Variants in NLE1 observed in about 807,000 individuals in gnomAD.
The protein encoded by NLE1 is notchless protein homolog 1.
A neutral mutation model predicts 62.8 loss-of-function variants in NLE1; 37 were observed. The observed-to-expected ratio is 0.59, with a 90% CI of 0.45 to 0.78. The LOEUF (loss-of-function observed/expected upper bound fraction) is 0.78. NLE1 is among the 30% of genes least tolerant of loss of function. The probability of loss-of-function intolerance (pLI) is 0.00; values close to 1 mark genes in which losing one functional copy is unlikely to be tolerated. For synonymous variants in NLE1, 243 were observed against 253.0 expected (o/e 0.96, Z 0.37); for missense variants, 555 against 637.9 (o/e 0.87, Z 1.40).
intron 9 of NLE1, 95 bp from the exon 10 acceptor site, chr17:35,135,546 A>G (rs2091903366): frequency 9.0e-7 from 1 of 1,106,094 alleles, no homozygotes; most frequent in East Asian, 2.5e-5. Context: ...TGATTACTCA[A>G]TGCCAGGGAC....
Position 35,129,180 on chromosome 17 carries a change from A to C in NLE1, c.*3257T>G. The C allele has an allele frequency of 4.2e-6, 2 of 473,716 alleles. No individual in the cohort carries two copies. The highest frequency in any genetic ancestry group is 7.7e-6 in the Non-Finnish European group (2 of 260,402). 29.3% of individuals were successfully genotyped at this position (473,716 alleles called of 1,614,324 possible). A position where few individuals can be genotyped will look rare whatever the true frequency, so the allele number is the denominator to read the frequency against. On this transcript the variant is annotated 3_prime_UTR_variant, in exon 13 of 13. Transcript: ENST00000442241. ...CCCAAGGGTTGAGGACCCCTGGCGT[A>C]TAAGAAATATGGAATGAGGGTGTAC...
rs117368217 is a variant in NLE1, at chr17:35,140,003, T to A, written c.226A>T (p.Thr76Ser). 1,838 of 1,614,070 alleles carry A rather than the reference T, an allele frequency of 1.1e-3. 2 individuals carry two copies. The highest frequency in any genetic ancestry group is 1.5e-3 in the Non-Finnish European group (1,724 of 1,180,012). ...DAEIVSSLGK[T>S]LESQAVETEK... ...GTCTCCACTGCCTGGGACTCCAACG[T>A]CTTCCCCAGTGAGGAGACGATCTCA... Residue 76 changes from threonine (T) to serine (S), a missense_variant, in exon 3 of 13, where the codon ACG (threonine) becomes TCG (serine). Transcript: ENST00000442241.
In NLE1 at chr17:35,130,182, C is replaced by T. The variant is rs2091867810; in HGVS notation, c.*2255G>A. The T allele has an allele frequency of 6.6e-7, 1 of 1,509,896 alleles. No homozygotes were observed. Among genetic ancestry groups the T allele is most frequent in the Non-Finnish European group, 8.8e-7 (1 of 1,132,402 alleles). 93.5% of individuals were successfully genotyped at this position (1,509,896 alleles called of 1,614,324 possible). A position where few individuals can be genotyped will look rare whatever the true frequency, so the allele number is the denominator to read the frequency against. On this transcript the variant is annotated 3_prime_UTR_variant, in exon 13 of 13. Coordinates refer to ENST00000442241, the MANE Select transcript of NLE1 (RefSeq NM_018096.5). ...TAGGTTGGATAAGGCTGTTTAAGGT[C>T]TGAGTCAGCAGACAGAAAAAAAAGG...
At chr17:35,132,552 C>G in intron 12 of NLE1, 103 bp from the exon 13 acceptor site, 1 of 1,053,120 alleles carries the variant, frequency 9.5e-7, no homozygotes, top group Non-Finnish European at 1.3e-6. Flanking sequence ...GGTCCACCCT[C>G]AGAGTCACCA....
Position 35,129,517 on chromosome 17 carries a change from G to C in NLE1, c.*2920C>G. On this transcript the variant is annotated 3_prime_UTR_variant, in exon 13 of 13. Coordinates refer to ENST00000442241, the MANE Select transcript of NLE1 (RefSeq NM_018096.5). ...AGACACAGGAGAATGAGTTGCCCGA[G>C]GCAAAGAATCGTCCATGGATCTTCA... 6.2e-7 allele frequency: 1 copy of C among 1,614,196 alleles called. No homozygotes were observed. The highest frequency in any genetic ancestry group is 8.5e-7 in the Non-Finnish European group (1 of 1,180,040).
rs1445839536 is a variant in NLE1 at position 35,130,025 on chromosome 17, G to T, written c.*2412C>A. On this transcript the variant is annotated 3_prime_UTR_variant, in exon 13 of 13. Coordinates refer to ENST00000442241, the MANE Select transcript of NLE1 (RefSeq NM_018096.5). ...CTAAAGGGGGACGAAGAAGGGAACAGCCTGGGTATGGGGTAGGGGTATGGG... is the reference window on the plus strand; with the variant it reads ...CTAAAGGGGGACGAAGAAGGGAACATCCTGGGTATGGGGTAGGGGTATGGG... 2.2e-6 allele frequency: 3 copies of T among 1,391,030 alleles called. No homozygotes were observed. Among genetic ancestry groups the T allele is most frequent in the African/African-American group, 1.4e-5 (1 of 69,028 alleles). 86.2% of individuals were successfully genotyped at this position (1,391,030 alleles called of 1,614,324 possible). A position where few individuals can be genotyped will look rare whatever the true frequency, so the allele number is the denominator to read the frequency against.
intron 9 of NLE1, 40 bp from the exon 10 acceptor site, chr17:35,135,491 C>T: frequency 6.3e-7 from 1 of 1,598,820 alleles, no homozygotes; most frequent in Non-Finnish European, 8.6e-7. Context: ...GGTGTGGTCT[C>T]AGAAAGAAGG....
intron 10 of NLE1, among the ~76,000 whole-genome samples, chr17:35,134,008 G>A (rs1310666667): frequency 2.6e-5 from 4 of 152,138 alleles, no homozygotes; most frequent in Non-Finnish European, 5.9e-5. Flanking sequence ...CGTCACTAAC[G>A]CAGAGGTCCC....
At chr17:35,139,030 C>T (rs1348230702) in intron 4 of NLE1, among the ~76,000 whole-genome samples, 1 of 151,968 alleles carries the variant, frequency 6.6e-6, no homozygotes, top group Non-Finnish European at 1.5e-5. Context: ...AAACAAAAAA[C>T]GAGCCAGGTG....
Position 35,133,516 on chromosome 17 carries a change from G to A in NLE1, c.1215-18C>T, listed in dbSNP as rs753930277. ...CCAGGTACCTGGTCCAGGAGAAGAC[G>A]ATGATGGATTTTAGTCTGAGTTACA... is the stretch of plus-strand genomic sequence containing the variant. On this transcript the variant is annotated intron_variant, in intron 10 of 12. Coordinates refer to ENST00000442241, the MANE Select transcript of NLE1 (RefSeq NM_018096.5). 9.4e-6 allele frequency: 15 copies of A among 1,598,464 alleles called. No individual in the cohort carries two copies. Among genetic ancestry groups the A allele is most frequent in the Middle Eastern group, 1.6e-4 (1 of 6,066 alleles).
At chr17:35,140,203 G>A in intron 2 of NLE1, 137 bp from the exon 3 acceptor site, 3 of 857,074 alleles carry the variant, frequency 3.5e-6, no homozygotes, top group Non-Finnish European at 5.4e-6. Context: ...CCCCATCATT[G>A]CCCATTGAGC....
At position 35,136,400 on chromosome 17, in the gene NLE1, G is replaced by A; in HGVS notation, c.926C>T (p.Ala309Val). Reference sequence around the variant, plus strand: ...GTCTTGGGGATTAACTGAGGCCTCAGCAGGTTCAAAGGCCCCAGTGCGCAG... The same window carrying A: ...GTCTTGGGGATTAACTGAGGCCTCAACAGGTTCAAAGGCCCCAGTGCGCAG... ...YALRTGAFEP[A>V]EASVNPQDLQ... The change falls in exon 8 of 13, where the codon GCT (alanine) becomes GTT (valine). Residue 309 changes from alanine to valine, a missense_variant. Transcript: ENST00000442241. 6.2e-7 allele frequency: 1 copy of A among 1,614,084 alleles called. No individual in the cohort carries two copies. The highest frequency in any genetic ancestry group is 8.5e-7 in the Non-Finnish European group (1 of 1,179,924).
chr17:35,140,218 C>T, intron 2 of NLE1, 152 bp from the exon 3 acceptor site: 2 of 790,624 alleles, frequency 2.5e-6, no homozygotes, highest in East Asian at 2.7e-5. Context: ...TTGAGCAAGA[C>T]CTTTTATTTA....
intron 10 of NLE1, among the ~76,000 whole-genome samples, chr17:35,134,327 C>T (rs2091895834): frequency 6.6e-6 from 1 of 152,198 alleles, no homozygotes; most frequent in South Asian, 2.1e-4. Context: ...ACCACCACTT[C>T]ACCTTCTCCA....
Position 35,130,244 on chromosome 17 carries a change from G to A in NLE1, c.*2193C>T, listed in dbSNP as rs770487641. On this transcript the variant is annotated 3_prime_UTR_variant, in exon 13 of 13. Transcript: ENST00000442241. ...CAGAGAGAGAGCCAGGTTCAGATCT[G>A]GGAAGGAACTCTGAAGGGTTTTCTT... 8.1e-6 allele frequency: 13 copies of A among 1,606,176 alleles called. No individual in the cohort carries two copies. Among genetic ancestry groups the A allele is most frequent in the East Asian group, 2.2e-5 (1 of 44,774 alleles).
intron 7 of NLE1, among the ~76,000 whole-genome samples, chr17:35,136,717 G>A (rs1000649241): frequency 6.6e-5 from 10 of 152,112 alleles, no homozygotes; most frequent in Middle Eastern, 3.2e-3. Context: ...CAGAGTAAAC[G>A]GCTCCTGTCC....
chr17:35,141,416 C>G (rs1277761373), intron 2 of NLE1, among the ~76,000 whole-genome samples: 1 of 151,880 alleles, frequency 6.6e-6, no homozygotes, highest in Non-Finnish European at 1.5e-5. Context: ...TGTGGTGGCG[C>G]GCGCCTGTAG....
chr17:35,136,117 T>C (rs2091906845), intron 9 of NLE1, 52 bp downstream of exon 9: 1 of 1,587,886 alleles, frequency 6.3e-7, no homozygotes, highest in Non-Finnish European at 8.6e-7. Flanking sequence ...TTTTAGTGAT[T>C]GGCTAAGGAC....
In NLE1 at chr17:35,130,568, A is replaced by C. The variant is rs989959235; in HGVS notation, c.*1869T>G. On this transcript the variant is annotated 3_prime_UTR_variant, in exon 13 of 13. Transcript: ENST00000442241. The stretch of plus-strand genomic sequence containing the variant: ...TCTGGCAGAGTGGTATGGGCACCCC[A>C]CCCCTGGGCTGGGGCCAAGGCTACA... 2 of 934,608 alleles carry C rather than the reference A, an allele frequency of 2.1e-6. No individual in the cohort carries two copies. The highest frequency in any genetic ancestry group is 2.7e-5 in the East Asian group (1 of 37,410). The allele number at this position is 934,608 out of a possible 1,614,324, so 57.9% of individuals were successfully genotyped here.
Sources: allele counts gnomAD v4.1 joint callset (sites outside exome capture counted in the v4.1 genomes callset), GRCh38; gene constraint gnomAD v4.1.1; transcripts MANE v1.5; gene names NCBI Gene and HGNC (gene_info 2026-07-23, HGNC 2026-07-21).